The following ADRA1A variants were observed in gnomAD, a reference collection of about 807,000 sequenced individuals.
ADRA1A encodes alpha-1A adrenergic receptor.
Under a neutral mutation model 29.6 loss-of-function variants are expected in ADRA1A, and 31 were observed. That is an observed-to-expected ratio of 1.05 (90% confidence interval 0.79 to 1.41). ADRA1A has a LOEUF of 1.41. Ranked by LOEUF, ADRA1A falls within the 40% of genes most tolerant of loss-of-function variation. The pLI, the probability that ADRA1A is intolerant of heterozygous loss-of-function variation, is 0.00. For synonymous variants in ADRA1A, 311 were observed against 254.3 expected, an observed-to-expected ratio of 1.22 and a Z score of -2.12; for missense variants, 619 against 601.1, an observed-to-expected ratio of 1.03 and a Z score of -0.31.
intron 2 of ADRA1A, among the ~76,000 whole-genome samples, chr8:26,813,418 T>C (rs118145644): frequency 0.028 from 4,306 of 152,272 alleles, 56 homozygotes; most frequent in Middle Eastern, 0.041. Flanking sequence ...TTCTTACAAA[T>C]AAATGAATTA....
At position 26,848,839 on chromosome 8, in the gene ADRA1A, TC is replaced by T. The variant is rs539218781; in HGVS notation, c.883+15247del. The stretch of plus-strand genomic sequence containing the variant: ...TTACTGTCTCACTGCACAGTTGTCT[TC>T]CTCTAACTGTTGAGAATCAAAGGCT... On this transcript the variant is annotated intron_variant, in intron 2 of 2. Transcript: ENST00000380573. The surrounding 1 kb of genome is among the most constrained non-coding windows in gnomAD (Gnocchi z 4.3). Among the ~76,000 whole-genome samples, 1 of 152,278 alleles carries T rather than the reference TC, an allele frequency of 6.6e-6. No homozygotes were observed. The highest frequency in any genetic ancestry group is 6.5e-5 in the Admixed American group (1 of 15,306).
At chr8:26,820,480 G>A (rs1425800352) in intron 2 of ADRA1A, among the ~76,000 whole-genome samples, 1 of 152,166 alleles carries the variant, frequency 6.6e-6, no homozygotes, top group Non-Finnish European at 1.5e-5. Context: ...ATACTTTCTT[G>A]ACTAAACATC....
chr8:26,820,832 A>G (rs562263083), intron 2 of ADRA1A, among the ~76,000 whole-genome samples: 2 of 152,336 alleles, frequency 1.3e-5, no homozygotes, highest in African/African-American at 2.4e-5. Context: ...TATGGTTGTA[A>G]GAAATAATAC....
intron 2 of ADRA1A, among the ~76,000 whole-genome samples, chr8:26,808,946 C>A (rs967937426): frequency 6.6e-6 from 1 of 152,154 alleles, no homozygotes; most frequent in Non-Finnish European, 1.5e-5. Context: ...TTAGAGGTAT[C>A]CCAATGCCTA....
At chr8:26,814,672 C>A (rs1809642431) in intron 2 of ADRA1A, among the ~76,000 whole-genome samples, 1 of 152,144 alleles carries the variant, frequency 6.6e-6, no homozygotes, top group South Asian at 2.1e-4. Flanking sequence ...TTCTTTCTCT[C>A]CATCTATTTA....
chr8:26,757,160 T>G, intron 2 of ADRA1A: 1 of 700,596 alleles, frequency 1.4e-6, no homozygotes, highest in South Asian at 1.5e-5. Context: ...AAAGCAGAGT[T>G]GGGCCAAGAA....
At chr8:26,797,925 G>A (rs1334567612) in intron 2 of ADRA1A, among the ~76,000 whole-genome samples, 1 of 152,062 alleles carries the variant, frequency 6.6e-6, no homozygotes, top group African/African-American at 2.4e-5. Flanking sequence ...TCTTCAGGTG[G>A]TCAAGGTGGA....
chr8:26,830,760 G>A (rs182256215), intron 2 of ADRA1A, among the ~76,000 whole-genome samples: 7 of 152,268 alleles, frequency 4.6e-5, no homozygotes, highest in Admixed American at 1.3e-4. Context: ...CATGATTCAA[G>A]TTCTACCAGA....
chr8:26,763,722 C>A (rs1805631729), downstream of ADRA1A, among the ~76,000 whole-genome samples: 2 of 152,168 alleles, frequency 1.3e-5, no homozygotes, highest in Admixed American at 1.3e-4. This position sits in a 1 kb window ranked among gnomAD's most constrained non-coding sequence, Gnocchi z 4.5. Context: ...ATCATGACGG[C>A]AAATTACGGC....
chr8:26,816,819 GC>G (rs1563276030), intron 2 of ADRA1A, among the ~76,000 whole-genome samples: 1 of 152,160 alleles, frequency 6.6e-6, no homozygotes, highest in Non-Finnish European at 1.5e-5. Context: ...TGGCATGCCA[GC>G]CCCCATCCTA....
Position 26,821,689 on chromosome 8 carries a change from G to A in ADRA1A, c.883+42398C>T, listed in dbSNP as rs1352010577. 6.6e-6 allele frequency among the ~76,000 whole-genome samples: 1 copy of A among 152,170 alleles called. No individual in the cohort carries two copies. The highest frequency in any genetic ancestry group is 1.5e-5 in the Non-Finnish European group (1 of 68,028). On this transcript the variant is annotated intron_variant, in intron 2 of 2. Coordinates refer to ENST00000380573, the MANE Select transcript of ADRA1A (RefSeq NM_000680.4). This position sits in a 1 kb window ranked among gnomAD's most constrained non-coding sequence, Gnocchi z 5.6. ...TTGACAACGATACAGTCAAGATACAGAATAGTTCCATCCTGGCAAGGAGCT... is the reference window on the plus strand; with the variant it reads ...TTGACAACGATACAGTCAAGATACAAAATAGTTCCATCCTGGCAAGGAGCT...
At chr8:26,828,985 A>G (rs1353999959) in intron 2 of ADRA1A, among the ~76,000 whole-genome samples, 1 of 152,196 alleles carries the variant, frequency 6.6e-6, no homozygotes, top group African/African-American at 2.4e-5. Context: ...TACCTGCTTT[A>G]TAAGGTTTTA....
At chr8:26,784,031 G>T (rs927456883) in intron 2 of ADRA1A, among the ~76,000 whole-genome samples, 1 of 152,108 alleles carries the variant, frequency 6.6e-6, no homozygotes, top group African/African-American at 2.4e-5. Context: ...TTTGGGGGGT[G>T]TGGTGAATGA....
At chr8:26,812,855 CT>C (rs370938535) in intron 2 of ADRA1A, among the ~76,000 whole-genome samples, 2,743 of 151,852 alleles carry the variant, frequency 0.018, 74 homozygotes, top group African/African-American at 0.059. Context: ...TTAGTAGAGA[CT>C]GGAGTTTCAC....
At chr8:26,816,580 G>A (rs1457553079) in intron 2 of ADRA1A, among the ~76,000 whole-genome samples, 1 of 149,306 alleles carries the variant, frequency 6.7e-6, no homozygotes, top group Non-Finnish European at 1.5e-5. Flanking sequence ...CATCCACATT[G>A]TGTGCACACG....
At chr8:26,764,272 C>A (rs28722655), downstream of ADRA1A, among the ~76,000 whole-genome samples, 61,052 of 152,028 alleles carry the variant, frequency 0.4, 12,424 homozygotes, top group Middle Eastern at 0.53. Context: ...TTACATGTCA[C>A]CCTGTGGAGC....
At chr8:26,755,782 C>T (rs768975517), downstream of ADRA1A, among the ~76,000 whole-genome samples, 3 of 152,108 alleles carry the variant, frequency 2.0e-5, no homozygotes, top group Admixed American at 6.5e-5. Context: ...CTGGACTTGG[C>T]GCTGGAGCAC....
chr8:26,792,826 T>A (rs1807927466), intron 2 of ADRA1A, among the ~76,000 whole-genome samples: 1 of 149,316 alleles, frequency 6.7e-6, no homozygotes, highest in Admixed American at 6.7e-5. Context: ...TTTTAGTACA[T>A]CCATGCTCAC....
At chr8:26,810,404 A>C (rs1312759099) in intron 2 of ADRA1A, among the ~76,000 whole-genome samples, 2 of 152,226 alleles carry the variant, frequency 1.3e-5, no homozygotes, top group African/African-American at 4.8e-5. Flanking sequence ...GAGAGATTGC[A>C]TGTGTACCTG....
Sources: allele counts gnomAD v4.1 joint callset (sites outside exome capture counted in the v4.1 genomes callset), GRCh38; gene constraint gnomAD v4.1.1; non-coding constraint Gnocchi (gnomAD v3.1); transcripts MANE v1.5; gene names NCBI Gene and HGNC (gene_info 2026-07-23, HGNC 2026-07-21).